Variants in IL1RAPL2 observed in about 807,000 individuals in gnomAD.
IL1RAPL2 encodes interleukin 1 receptor accessory protein like 2.
In IL1RAPL2, 3 loss-of-function variants were observed where a neutral mutation model predicts 44.1. That is an observed-to-expected ratio of 0.07 (90% CI 0.03 to 0.18). The LOEUF (loss-of-function observed/expected upper bound fraction) is 0.18, where lower values mean the gene tolerates loss of function less well. IL1RAPL2 is among the 10% of genes least tolerant of loss of function. IL1RAPL2 has a pLI of 1.00. For missense variants in IL1RAPL2, 391 were observed against 496.4 expected, an observed-to-expected ratio of 0.79 and a Z score of 2.02; for synonymous variants, 181 against 178.8, an observed-to-expected ratio of 1.01 and a Z score of -0.10.
chrX:104,961,339 T>C (rs2030002679), intron 2 of IL1RAPL2, among the ~76,000 whole-genome samples: 3 of 111,865 alleles, frequency 2.7e-5, no homozygotes, highest in African/African-American at 9.8e-5. Context: ...GCCCTTTCCT[T>C]ATTTTTTGTG....
intron 5 of IL1RAPL2, among the ~76,000 whole-genome samples, chrX:105,420,210 C>A (rs1050250250): frequency 2.7e-5 from 3 of 111,286 alleles, no homozygotes; most frequent in African/African-American, 3.3e-5. Flanking sequence ...TAGTGTTAGG[C>A]TCCACTCTGA....
chrX:104,950,720 T>A (rs1925553739), intron 2 of IL1RAPL2, among the ~76,000 whole-genome samples: 1 of 110,202 alleles, frequency 9.1e-6, no homozygotes, highest in African/African-American at 3.3e-5. Flanking sequence ...TTTTTGTTTT[T>A]TTTTTTGAGA....
chrX:105,583,139 GT>G (rs779253494), intron 6 of IL1RAPL2, among the ~76,000 whole-genome samples: 17 of 97,890 alleles, frequency 1.7e-4, no homozygotes, highest in East Asian at 9.5e-4. Flanking sequence ...AATTTTTTTT[GT>G]TTTTTTTTTT....
At chrX:104,875,075 G>A (rs1922867609) in intron 2 of IL1RAPL2, among the ~76,000 whole-genome samples, 1 of 111,527 alleles carries the variant, frequency 9.0e-6, no homozygotes, top group African/African-American at 3.3e-5. Flanking sequence ...AAAAGAAGAG[G>A]TTTTCTAACT....
chrX:104,746,758 C>A (rs971443024), intron 2 of IL1RAPL2, among the ~76,000 whole-genome samples: 1 of 111,464 alleles, frequency 9.0e-6, no homozygotes, highest in Middle Eastern at 4.6e-3. Context: ...AGCCCCATTC[C>A]TGTTTATTTT....
chrX:105,632,055 CCCTTT>C (rs1410247178), intron 6 of IL1RAPL2, among the ~76,000 whole-genome samples: 2 of 110,268 alleles, frequency 1.8e-5, no homozygotes, highest in Non-Finnish European at 3.8e-5. Context: ...TTATTCCTTT[CCCTTT>C]TTTTTTTCTT....
chrX:105,553,004 G>T (rs961745187), intron 6 of IL1RAPL2, among the ~76,000 whole-genome samples: 1 of 111,653 alleles, frequency 9.0e-6, no homozygotes, highest in Non-Finnish European at 1.9e-5. Flanking sequence ...TTTCTGAAAA[G>T]TTAACAGTAA....
chrX:105,103,710 C>T (rs2032701028), intron 2 of IL1RAPL2, among the ~76,000 whole-genome samples: 1 of 111,473 alleles, frequency 9.0e-6, no homozygotes, highest in African/African-American at 3.3e-5. Flanking sequence ...GGCTAGGGTA[C>T]TGGGACCAAG....
chrX:105,327,044 G>T (rs1419155307), intron 5 of IL1RAPL2, among the ~76,000 whole-genome samples: 2 of 112,200 alleles, frequency 1.8e-5, no homozygotes, highest in Non-Finnish European at 3.8e-5. Context: ...GGGTAGAATT[G>T]TCCTAGACTT....
At chrX:104,903,903 G>A (rs1255879453) in intron 2 of IL1RAPL2, among the ~76,000 whole-genome samples, 3 of 111,547 alleles carry the variant, frequency 2.7e-5, no homozygotes, top group African/African-American at 6.5e-5. Flanking sequence ...TATAGATAAC[G>A]ATGATAAATT....
At chrX:104,569,646 T>C (rs1042887690) in intron 1 of IL1RAPL2, among the ~76,000 whole-genome samples, 2 of 112,732 alleles carry the variant, frequency 1.8e-5, no homozygotes, top group Non-Finnish European at 3.7e-5. Context: ...ATGAAGTGAC[T>C]ATTTCAGTTT....
intron 2 of IL1RAPL2, among the ~76,000 whole-genome samples, chrX:104,837,122 C>A (rs903621019): frequency 2.7e-5 from 3 of 111,544 alleles, no homozygotes. Context: ...TTTATCCAGT[C>A]TATCATTGAT....
At chrX:105,669,723 A>T (rs1273575593) in intron 6 of IL1RAPL2, among the ~76,000 whole-genome samples, 5 of 110,346 alleles carry the variant, frequency 4.5e-5, no homozygotes, top group African/African-American at 1.3e-4. Flanking sequence ...TTCTATCCTG[A>T]CAGAAATCCT....
intron 4 of IL1RAPL2, among the ~76,000 whole-genome samples, chrX:105,258,835 T>C (rs1432426977): frequency 1.8e-5 from 2 of 112,148 alleles, no homozygotes; most frequent in African/African-American, 6.5e-5. Flanking sequence ...TGTATCGTTT[T>C]ATTGTGATTT....
intron 5 of IL1RAPL2, among the ~76,000 whole-genome samples, chrX:105,378,665 A>G (rs1197762473): frequency 8.9e-6 from 1 of 112,003 alleles, no homozygotes; most frequent in Admixed American, 9.5e-5. Flanking sequence ...TTTCTGAAAC[A>G]GATTTTGTAC....
Position 104,594,118 on chromosome X carries a change from C to CA in IL1RAPL2, c.-20+27068dup, listed in dbSNP as rs765823657. ...GTGTTGTCAGCCCAGAGGGATACAA[C>CA]AGTGAACAAAGCAGACAAGAATACC... On this transcript the variant is annotated intron_variant, in intron 1 of 10. Transcript: ENST00000372582. Among the ~76,000 whole-genome samples, 9 of 112,211 alleles carry CA rather than the reference C, an allele frequency of 8.0e-5. No homozygotes were observed. The East Asian group carries it at 1.7e-3, about 21-fold the overall frequency.
chrX:105,184,590 T>C (rs1193662636), intron 2 of IL1RAPL2, among the ~76,000 whole-genome samples: 1 of 109,985 alleles, frequency 9.1e-6, no homozygotes, highest in African/African-American at 3.3e-5. Flanking sequence ...TATAAGTTAT[T>C]ATAATATAGC....
chrX:104,857,181 T>G (rs942463348), intron 2 of IL1RAPL2, among the ~76,000 whole-genome samples: 4 of 112,159 alleles, frequency 3.6e-5, no homozygotes, highest in African/African-American at 1.3e-4. Flanking sequence ...TATTGGACTC[T>G]GGAGGCCAGA....
intron 4 of IL1RAPL2, among the ~76,000 whole-genome samples, chrX:105,246,857 G>T (rs1251293489): frequency 9.0e-6 from 1 of 111,281 alleles, no homozygotes; most frequent in African/African-American, 3.3e-5. Context: ...CACATAGAAA[G>T]TGATAATATG....
Sources: gnomAD v4.1 joint callset for allele counts (sites outside exome capture counted in the v4.1 genomes callset) on GRCh38, gnomAD v4.1.1 for gene constraint, MANE v1.5 for transcripts, NCBI Gene and HGNC (gene_info 2026-07-23, HGNC 2026-07-21) for gene names.